TG: variants seen among roughly 807,000 people sequenced by gnomAD.
TG encodes the protein thyroid hormones.
A neutral mutation model predicts 324.7 loss-of-function variants in TG; 270 were observed. The observed-to-expected ratio is 0.83, with a 90% CI of 0.75 to 0.92. The LOEUF (loss-of-function observed/expected upper bound fraction) is 0.92, where lower values mean the gene tolerates loss of function less well. Among genes scored for constraint, TG ranks in the 40% least tolerant of loss-of-function variants. TG has a pLI of 0.00. For synonymous variants in TG, 1,401 were observed against 1,327.0 expected (o/e 1.06, Z -1.21); for missense variants, 3,591 against 3,456.4 (o/e 1.04, Z -0.98).
At chr8:132,904,164 A>G (rs142293916) in intron 16 of TG, among the ~76,000 whole-genome samples, 18 of 152,278 alleles carry the variant, frequency 1.2e-4, no homozygotes, top group African/African-American at 4.3e-4. Flanking sequence ...GTGGCTGATA[A>G]CAGTCCAGCC....
Position 133,019,660 on chromosome 8 carries a change from T to A in TG, c.6841T>A (p.Cys2281Ser). 8.7e-6 allele frequency: 14 copies of A among 1,613,656 alleles called. No individual in the cohort carries two copies. Among genetic ancestry groups the A allele is most frequent in the Non-Finnish European group, 1.1e-5 (13 of 1,179,728 alleles). ...CACGTCTCCTGGAGTCAGTGAAGATTGTTTGTATCTCAATGTGTTCATCCC... is the reference window on the plus strand; with the variant it reads ...CACGTCTCCTGGAGTCAGTGAAGATAGTTTGTATCTCAATGTGTTCATCCC... ...TSTSPGVSED[C>S]LYLNVFIPQN... The change falls in exon 39 of 48, where the codon TGT becomes AGT. Residue 2281 changes from cysteine to serine, a missense_variant. Coordinates refer to ENST00000220616, the MANE Select transcript of TG (RefSeq NM_003235.5).
chr8:133,026,058 C>T (rs958251356), intron 40 of TG, among the ~76,000 whole-genome samples: 3 of 152,216 alleles, frequency 2.0e-5, no homozygotes, highest in African/African-American at 7.2e-5. Flanking sequence ...GACAGGGGCT[C>T]TTCCCAGGCA....
intron 25 of TG, among the ~76,000 whole-genome samples, chr8:132,936,273 G>T (rs1823577658): frequency 6.6e-6 from 1 of 152,348 alleles, no homozygotes; most frequent in Non-Finnish European, 1.5e-5. Context: ...TGGGCAAACT[G>T]CTCACTGGGG....
intron 34 of TG, among the ~76,000 whole-genome samples, 172 bp downstream of exon 34, chr8:132,972,913 T>G (rs1266184822): frequency 6.6e-6 from 1 of 152,240 alleles, no homozygotes; most frequent in Non-Finnish European, 1.5e-5. Context: ...ATTGAAAGTT[T>G]GCTCATTGAC....
chr8:132,897,125 C>A (rs1258628683), intron 11 of TG, among the ~76,000 whole-genome samples: 1 of 152,246 alleles, frequency 6.6e-6, no homozygotes, highest in Non-Finnish European at 1.5e-5. Flanking sequence ...ACGAGGGCAG[C>A]TGATGTCAAT....
intron 41 of TG, among the ~76,000 whole-genome samples, chr8:133,034,959 G>T (rs1309454510): frequency 6.6e-6 from 1 of 152,158 alleles, no homozygotes; most frequent in East Asian, 1.9e-4. Flanking sequence ...GATCATGCTT[G>T]TTCATATTTT....
chr8:132,876,053 C>T (rs892725654), intron 5 of TG, among the ~76,000 whole-genome samples: 2 of 151,866 alleles, frequency 1.3e-5, no homozygotes, highest in African/African-American at 2.4e-5. Context: ...TTGCAGCAAG[C>T]ATGTGAAGCT....
chr8:132,998,366 C>G (rs1833086223), intron 35 of TG, among the ~76,000 whole-genome samples: 2 of 152,138 alleles, frequency 1.3e-5, no homozygotes, highest in Admixed American at 6.5e-5. Context: ...GAGAGGGGAC[C>G]AACTGATCAA....
At chr8:132,922,104 C>T (rs539498306) in intron 21 of TG, among the ~76,000 whole-genome samples, 1 of 152,260 alleles carries the variant, frequency 6.6e-6, no homozygotes, top group Middle Eastern at 3.4e-3. Flanking sequence ...TCCCTGTCCT[C>T]AAGGAGTTTA....
At chr8:132,961,131 GCAC>G (rs952915078) in intron 28 of TG, 58 bp downstream of exon 28, 1 of 1,540,692 alleles carries the variant, frequency 6.5e-7, no homozygotes, top group African/African-American at 1.4e-5. Flanking sequence ...AGATTGTCTG[GCAC>G]CACCTCTCAT....
intron 34 of TG, among the ~76,000 whole-genome samples, chr8:132,973,444 C>T (rs776714445): frequency 6.6e-5 from 10 of 152,126 alleles, no homozygotes; most frequent in Non-Finnish European, 1.3e-4. Context: ...GTTTTAGGAG[C>T]TCAATTTGAA....
At chr8:133,067,458 C>A (rs1368121409) in intron 41 of TG, among the ~76,000 whole-genome samples, 1 of 152,130 alleles carries the variant, frequency 6.6e-6, no homozygotes, top group African/African-American at 2.4e-5. Flanking sequence ...AAGCCAGAGG[C>A]CCTCAGAAAC....
chr8:133,048,872 G>A (rs1381976571), intron 41 of TG: 1 of 185,732 alleles, frequency 5.4e-6, no homozygotes, highest in African/African-American at 2.3e-5. Flanking sequence ...CAGAATTCCA[G>A]TCTTCAAAGG....
chr8:132,913,079 C>T lies in TG; in HGVS notation c.4192C>T (p.Arg1398Cys), dbSNP rs140482581. Residue 1398 changes from arginine (R) to cysteine (C), a missense_variant, in exon 20 of 48, where the codon CGC becomes TGC. Arg to Cys is a radical substitution (Grantham distance 180, BLOSUM62 -3). Coordinates refer to ENST00000220616, the MANE Select transcript of TG (RefSeq NM_003235.5). ...CTTGGTGGGCAAGGATCTCCTTGGG[C>T]GCTTCACAGATCTGATCCAGAGTGG... ...RALVGKDLLG[R>C]FTDLIQSGSF... The T allele has an allele frequency of 4.4e-5, 71 of 1,614,040 alleles. No homozygotes were observed. The African/African-American group carries it at 5.6e-4, about 13-fold the overall frequency.
chr8:132,913,461 G>A (rs1028074957), intron 20 of TG, among the ~76,000 whole-genome samples, 196 bp downstream of exon 20: 9 of 152,188 alleles, frequency 5.9e-5, no homozygotes, highest in Admixed American at 2.6e-4. Context: ...GGCAGAAGGA[G>A]CCCCATATTT....
intron 41 of TG, among the ~76,000 whole-genome samples, chr8:133,048,147 T>C (rs1443320968): frequency 6.6e-6 from 1 of 152,240 alleles, no homozygotes; most frequent in Non-Finnish European, 1.5e-5. Flanking sequence ...TTGATAGAGT[T>C]AAAATTAGAA....
chr8:133,097,641 A>G (rs1178805657), intron 43 of TG, among the ~76,000 whole-genome samples: 2 of 152,202 alleles, frequency 1.3e-5, no homozygotes, highest in Non-Finnish European at 2.9e-5. Flanking sequence ...AAGTGTGTAT[A>G]TTTGTATGTT....
chr8:132,916,417 T>C (rs2132419867), intron 20 of TG, among the ~76,000 whole-genome samples: 1 of 152,364 alleles, frequency 6.6e-6, no homozygotes. Flanking sequence ...AGGTTCTTGG[T>C]GAAATCACAC....
intron 41 of TG, chr8:133,044,929 A>G: frequency 6.3e-7 from 1 of 1,587,062 alleles, no homozygotes; most frequent in East Asian, 2.2e-5. Flanking sequence ...GCCACAGAGC[A>G]ATTAGCTAAG....
Sources: allele counts gnomAD v4.1 joint callset (sites outside exome capture counted in the v4.1 genomes callset), GRCh38; gene constraint gnomAD v4.1.1; transcripts MANE v1.5; gene names NCBI Gene and HGNC (gene_info 2026-07-23, HGNC 2026-07-21).